Variants in AP1S2 observed in about 807,000 individuals in gnomAD.
AP1S2 encodes the protein AP-1 complex subunit sigma-2.
In AP1S2, 1 loss-of-function variant was observed where a neutral mutation model predicts 14.3. The ratio of observed to expected loss-of-function variants is 0.07; its 90% CI spans 0.02 to 0.33. The LOEUF is 0.33. Among genes scored for constraint, AP1S2 ranks in the 10% least tolerant of loss-of-function variants. The pLI, the probability that AP1S2 is intolerant of heterozygous loss-of-function variation, is 0.99. For synonymous variants in AP1S2, 30 were observed against 40.5 expected, an observed-to-expected ratio of 0.74 and a Z score of 0.99; for missense variants, 30 against 117.7, an observed-to-expected ratio of 0.25 and a Z score of 3.45.
rs1933322013 is a variant in AP1S2 at position 15,828,214 on chromosome X, A to G, written c.427-14T>C. The G allele has an allele frequency of 1.2e-5, 13 of 1,103,829 alleles. No homozygotes were observed. Among genetic ancestry groups the G allele is most frequent in the Non-Finnish European group, 1.5e-5 (13 of 841,603 alleles). The allele number at this position is 1,103,829 out of a possible 1,213,427, so 91.0% of individuals were successfully genotyped here. A position where few individuals can be genotyped will look rare whatever the true frequency, so the allele number is the denominator to read the frequency against. ...TACTTTCGCATCCTAATCATGGTAC[A>G]GCACAAAGCAAGGAGAAGAGAAATT... On this transcript the variant is annotated splice_polypyrimidine_tract_variant and intron_variant, in intron 4 of 5. Coordinates refer to ENST00000672987, the MANE Select transcript of AP1S2 (RefSeq NM_001272071.2).
intron 4 of AP1S2, chrX:15,830,460 G>A: frequency 2.7e-6 from 2 of 751,209 alleles, no homozygotes; most frequent in Non-Finnish European, 3.1e-6. Context: ...CATTTTCATA[G>A]ATCTTCTTTC....
In AP1S2 at chrX:15,828,666, T is replaced by C. The variant is rs1601838185; in HGVS notation, c.427-466A>G. Reference sequence around the variant, plus strand: ...AACCTCAATCTAGTCAGGTTACAGATCTAAATAGAAATGAGGGATATAAGA... The same window carrying C: ...AACCTCAATCTAGTCAGGTTACAGACCTAAATAGAAATGAGGGATATAAGA... On this transcript the variant is annotated intron_variant, in intron 4 of 5. Coordinates refer to ENST00000672987, the MANE Select transcript of AP1S2 (RefSeq NM_001272071.2). Among the ~76,000 whole-genome samples, 5 of 109,913 alleles carry C rather than the reference T, an allele frequency of 4.5e-5. No individual in the cohort carries two copies. The South Asian group carries it at 1.9e-3, about 42-fold the overall frequency.
At chrX:15,830,099 T>C (rs1246008889) in intron 4 of AP1S2, 17 of 747,625 alleles carry the variant, frequency 2.3e-5, no homozygotes, top group Non-Finnish European at 2.7e-5. Context: ...AGGAAAGCTA[T>C]TTCAGAATCT....
chrX:15,833,153 A>C, intron 4 of AP1S2: 1 of 982,730 alleles, frequency 1.0e-6, no homozygotes, highest in Non-Finnish European at 1.3e-6. Context: ...TTCTCTCTTA[A>C]TTTTCTATCA....
intron 4 of AP1S2, among the ~76,000 whole-genome samples, chrX:15,837,531 T>C (rs1436974290): frequency 9.1e-6 from 1 of 110,189 alleles, no homozygotes; most frequent in East Asian, 2.8e-4. Context: ...GGGTGGATTC[T>C]AAAGTCAACC....
In AP1S2 at chrX:15,854,699, GC is replaced by G; in HGVS notation, c.-13del. On this transcript the variant is annotated 5_prime_UTR_variant, in exon 1 of 6. Transcript: ENST00000672987. Reference sequence around the variant, plus strand: ...CCCCAGGGACTTACGGCGGCCGCGGGCCGCGGGCGCGGCGGAGCTTGGCCGG... The same window carrying G: ...CCCCAGGGACTTACGGCGGCCGCGGGCGCGGGCGCGGCGGAGCTTGGCCGG... 1 of 771,089 alleles carries G rather than the reference GC, an allele frequency of 1.3e-6. No individual in the cohort carries two copies. The highest frequency in any genetic ancestry group is 1.5e-6 in the Non-Finnish European group (1 of 649,641). The allele number at this position is 771,089 out of a possible 1,213,427, so 63.5% of individuals were successfully genotyped here.
At position 15,854,752 on chromosome X, in the gene AP1S2, C is replaced by T. The variant is rs1201429706; in HGVS notation, c.-65G>A. The stretch of plus-strand genomic sequence containing the variant: ...GGCGGCGGCGGCGGCGAAGGGGAAG[C>T]CCCTGTCGCCGTGCTGAGGAAGAGA... On this transcript the variant is annotated 5_prime_UTR_variant, in exon 1 of 6. Transcript: ENST00000672987. 8 of 811,216 alleles carry T rather than the reference C, an allele frequency of 9.9e-6. No homozygotes were observed. The highest frequency in any genetic ancestry group is 1.0e-5 in the Non-Finnish European group (7 of 674,350). 66.9% of individuals were successfully genotyped at this position (811,216 alleles called of 1,213,427 possible). A position where few individuals can be genotyped will look rare whatever the true frequency, so the allele number is the denominator to read the frequency against.
At chrX:15,844,332 C>T (rs200229989) in intron 4 of AP1S2, among the ~76,000 whole-genome samples, 35 of 32,489 alleles carry the variant, frequency 1.1e-3, no homozygotes, top group Admixed American at 4.5e-3. Context: ...CCTTTGGTGA[C>T]TAAAAAAAGA....
chrX:15,843,121 A>C (rs1049898360), intron 4 of AP1S2, among the ~76,000 whole-genome samples: 3 of 112,151 alleles, frequency 2.7e-5, no homozygotes, highest in African/African-American at 9.7e-5. Context: ...ATACATATGT[A>C]CATATACACA....
At chrX:15,841,284 AT>A (rs1223582410) in intron 4 of AP1S2, among the ~76,000 whole-genome samples, 2 of 111,549 alleles carry the variant, frequency 1.8e-5, no homozygotes, top group Non-Finnish European at 3.8e-5. Flanking sequence ...TATTTCACAA[AT>A]TAAAAAAAAA....
chrX:15,829,164 G>A (rs2214428), intron 4 of AP1S2, among the ~76,000 whole-genome samples: 25,682 of 110,166 alleles, frequency 0.23, 2,203 homozygotes, highest in East Asian at 0.35. Context: ...TCCTATACTC[G>A]TGAGTCTTGA....
At chrX:15,832,148 C>A in intron 4 of AP1S2, 1 of 748,780 alleles carries the variant, frequency 1.3e-6, no homozygotes. Context: ...TTAACGAACT[C>A]TCCAGATTTG....
intron 2 of AP1S2, among the ~76,000 whole-genome samples, chrX:15,849,860 C>T (rs1476504463): frequency 1.8e-5 from 2 of 111,579 alleles, no homozygotes; most frequent in East Asian, 2.8e-4. Flanking sequence ...GTTACCACCT[C>T]GTCTCCTGTC....
chrX:15,849,327 C>A (rs5936067), intron 2 of AP1S2, among the ~76,000 whole-genome samples: 1 of 111,365 alleles, frequency 9.0e-6, no homozygotes, highest in South Asian at 3.7e-4. Context: ...GCAGAAGTCC[C>A]AGTCCAGAAT....
At chrX:15,844,840 A>T in intron 4 of AP1S2, 1 of 202,673 alleles carries the variant, frequency 4.9e-6, no homozygotes, top group Non-Finnish European at 7.4e-6. Flanking sequence ...AATACTGTTT[A>T]GTTTTGCTAA....
intron 4 of AP1S2, among the ~76,000 whole-genome samples, chrX:15,841,561 C>G (rs752962387): frequency 9.0e-6 from 1 of 111,581 alleles, no homozygotes; most frequent in Non-Finnish European, 1.9e-5. Flanking sequence ...AATGCTATAC[C>G]CCAAACTATA....
At chrX:15,845,726 A>G (rs969636853) in intron 3 of AP1S2, among the ~76,000 whole-genome samples, 177 bp downstream of exon 3, 6 of 111,173 alleles carry the variant, frequency 5.4e-5, no homozygotes, top group African/African-American at 2.0e-4. Flanking sequence ...CAAGCTAAAT[A>G]AGACTGGGCT....
In AP1S2 at chrX:15,827,167, C is replaced by A; in HGVS notation, c.*158G>T. ...TTATCACTTAATTAACTAAAGTTCC[C>A]TTTTAAAAAAAAATTGTGTAGGCAT... is the stretch of plus-strand genomic sequence containing the variant. On this transcript the variant is annotated 3_prime_UTR_variant, in exon 6 of 6. Transcript: ENST00000672987. The A allele has an allele frequency of 1.9e-6, 1 of 535,045 alleles. No homozygotes were observed. The highest frequency in any genetic ancestry group is 3.4e-5 in the East Asian group (1 of 29,197). The allele number at this position is 535,045 out of a possible 1,213,427, so 44.1% of individuals were successfully genotyped here.
chrX:15,834,221 C>T (rs1236022268), intron 4 of AP1S2, among the ~76,000 whole-genome samples: 2 of 104,774 alleles, frequency 1.9e-5, no homozygotes, highest in Non-Finnish European at 3.9e-5. Flanking sequence ...TCAAGCTATA[C>T]ACCCCTCCCC....
Sources: allele counts gnomAD v4.1 joint callset (sites outside exome capture counted in the v4.1 genomes callset), GRCh38; gene constraint gnomAD v4.1.1; transcripts MANE v1.5; gene names NCBI Gene and HGNC (gene_info 2026-07-23, HGNC 2026-07-21).